Variants in NTRK3 observed in about 807,000 individuals in gnomAD.
NTRK3 encodes NT-3 growth factor receptor.
In NTRK3, 24 loss-of-function variants were observed where a neutral mutation model predicts 91.7. The ratio of observed to expected loss-of-function variants is 0.26; its 90% CI spans 0.19 to 0.37. The LOEUF (loss-of-function observed/expected upper bound fraction) is 0.37, where lower values mean the gene tolerates loss of function less well. Among genes scored for constraint, NTRK3 ranks in the 10% least tolerant of loss-of-function variants. The pLI, the probability that NTRK3 is intolerant of heterozygous loss-of-function variation, is 1.00. For missense variants in NTRK3, 880 were observed against 1,068.9 expected (o/e 0.82, Z 2.46); for synonymous variants, 483 against 404.0 (o/e 1.20, Z -2.34).
chr15:88,049,707 C>T (rs955409975), intron 13 of NTRK3, among the ~76,000 whole-genome samples: 1 of 152,142 alleles, frequency 6.6e-6, no homozygotes, highest in African/African-American at 2.4e-5. Flanking sequence ...GGGATTCCTC[C>T]CAAGGTGCCT....
intron 16 of NTRK3, 70 bp from the exon 17 acceptor site, chr15:87,929,504 G>A (rs2141918579): frequency 6.3e-7 from 1 of 1,576,564 alleles, no homozygotes; most frequent in Non-Finnish European, 8.6e-7. Context: ...GCCTTCCTGG[G>A]TCCCTGCCCT....
At chr15:88,253,535 G>A (rs186439301) in intron 3 of NTRK3, 1 of 152,386 alleles carries the variant, frequency 6.6e-6, no homozygotes, top group African/African-American at 2.4e-5. Context: ...GGAAATCTGG[G>A]CTCTTCTCGA....
intron 14 of NTRK3, among the ~76,000 whole-genome samples, chr15:88,017,096 G>A (rs1018583481): frequency 1.3e-5 from 2 of 152,004 alleles, no homozygotes; most frequent in African/African-American, 4.8e-5. Context: ...CACCAAAAAT[G>A]GGAGGCATTT....
intron 13 of NTRK3, among the ~76,000 whole-genome samples, chr15:88,068,493 C>G (rs1597113934): frequency 1.3e-5 from 2 of 152,234 alleles, no homozygotes. Flanking sequence ...AAAAGGAATA[C>G]TTTGACTACC....
intron 5 of NTRK3, among the ~76,000 whole-genome samples, chr15:88,177,378 G>A (rs1441589137): frequency 3.3e-5 from 5 of 152,224 alleles, no homozygotes; most frequent in Non-Finnish European, 7.3e-5. Context: ...CTGTCACAGT[G>A]TCAGAGGAGG....
At chr15:88,118,156 T>C (rs956485880) in intron 13 of NTRK3, among the ~76,000 whole-genome samples, 1 of 152,220 alleles carries the variant, frequency 6.6e-6, no homozygotes, top group Admixed American at 6.5e-5. Context: ...TTGATCTCTC[T>C]GTTTTGCTGT....
Position 87,892,649 on chromosome 15 carries a change from C to T in NTRK3, c.2134-12221G>A, listed in dbSNP as rs190973168. On this transcript the variant is annotated intron_variant, in intron 17 of 18. Coordinates refer to ENST00000394480, the Ensembl canonical transcript of NTRK3. ...CTTAATTTCCAATTTCTGTGTATTACTAGTAATCATAATGATAACTCAAAC... is the reference window on the plus strand; with the variant it reads ...CTTAATTTCCAATTTCTGTGTATTATTAGTAATCATAATGATAACTCAAAC... Among the ~76,000 whole-genome samples, 16 of 152,116 alleles carry T rather than the reference C, an allele frequency of 1.1e-4. 1 individual carries two copies. In the South Asian group the frequency reaches 1.9e-3, roughly 18 times the overall value.
intron 3 of NTRK3, among the ~76,000 whole-genome samples, chr15:88,229,918 A>C (rs1027792564): frequency 2.6e-5 from 4 of 152,232 alleles, no homozygotes; most frequent in Non-Finnish European, 5.9e-5. Flanking sequence ...ACCAAGTCAC[A>C]ATGCGGCCAT....
chr15:88,148,671 G>A (rs776008318), intron 5 of NTRK3, among the ~76,000 whole-genome samples: 1 of 152,138 alleles, frequency 6.6e-6, no homozygotes, highest in Non-Finnish European at 1.5e-5. Flanking sequence ...GAGGAGTTTG[G>A]ATTTGATATT....
At chr15:87,927,418 C>G (rs184719142) in intron 17 of NTRK3, 45 of 152,366 alleles carry the variant, frequency 3.0e-4, no homozygotes, top group African/African-American at 9.6e-4. Flanking sequence ...GACCTGCACA[C>G]ACCTCAAATT....
At chr15:88,002,974 A>C (rs570804036) in intron 14 of NTRK3, among the ~76,000 whole-genome samples, 20 of 152,358 alleles carry the variant, frequency 1.3e-4, no homozygotes, top group African/African-American at 4.8e-4. Flanking sequence ...AAATCCGCCA[A>C]GATCAGAGAG....
chr15:88,181,162 A>T (rs1190478630), intron 5 of NTRK3, among the ~76,000 whole-genome samples: 1 of 152,122 alleles, frequency 6.6e-6, no homozygotes, highest in Non-Finnish European at 1.5e-5. Context: ...AGCCAATAAC[A>T]AGTACTTTGG....
chr15:88,182,337 ACT>A (rs1490537115), intron 5 of NTRK3, among the ~76,000 whole-genome samples: 1 of 152,146 alleles, frequency 6.6e-6, no homozygotes, highest in Non-Finnish European at 1.5e-5. Context: ...ACCAGGATTC[ACT>A]GTGATCTCTT....
intron 14 of NTRK3, among the ~76,000 whole-genome samples, chr15:88,003,291 A>G (rs1321257777): frequency 6.6e-6 from 1 of 152,162 alleles, no homozygotes; most frequent in Non-Finnish European, 1.5e-5. Context: ...GAACCTGTAG[A>G]CCTGCTGACC....
At chr15:87,987,127 T>C (rs2074884591) in intron 14 of NTRK3, among the ~76,000 whole-genome samples, 1 of 152,252 alleles carries the variant, frequency 6.6e-6, no homozygotes, top group African/African-American at 2.4e-5. Context: ...TTTAATAAGC[T>C]CCTCAGGTGA....
intron 13 of NTRK3, among the ~76,000 whole-genome samples, chr15:88,063,797 C>A (rs1390360810): frequency 6.6e-6 from 1 of 152,186 alleles, no homozygotes; most frequent in African/African-American, 2.4e-5. Flanking sequence ...CCCACAACTT[C>A]TTTTCTCCTG....
chr15:87,870,984 G>A (rs150801800), exon 19 of NTRK3: 1 of 231,150 alleles, frequency 4.3e-6, no homozygotes, highest in Admixed American at 5.6e-5. Context: ...ATGAAAGAAA[G>A]ATAGCCAAGC....
intron 13 of NTRK3, 126 bp downstream of exon 13, chr15:88,126,145 G>C (rs1799624036): frequency 1.4e-6 from 1 of 727,438 alleles, no homozygotes; most frequent in South Asian, 1.5e-5. Flanking sequence ...GTTTCCATCA[G>C]TACCAGTTAG....
At chr15:87,962,903 T>G (rs932055480) in intron 14 of NTRK3, among the ~76,000 whole-genome samples, 1 of 152,214 alleles carries the variant, frequency 6.6e-6, no homozygotes, top group Admixed American at 6.5e-5. Flanking sequence ...ATTTCTGGAC[T>G]GTGCAGCTCA....
Sources: allele counts gnomAD v4.1 joint callset (sites outside exome capture counted in the v4.1 genomes callset), GRCh38; gene constraint gnomAD v4.1.1; transcripts MANE v1.5; gene names NCBI Gene and HGNC (gene_info 2026-07-23, HGNC 2026-07-21).